LIN28B: variants seen among roughly 807,000 people sequenced by gnomAD.
LIN28B encodes the protein lin-28 RNA binding posttranscriptional regulator B.
A neutral mutation model predicts 21.9 loss-of-function variants in LIN28B; 5 were observed. That is an observed-to-expected ratio of 0.23 (90% CI 0.12 to 0.48). The LOEUF is 0.48. Among genes scored for constraint, LIN28B ranks in the 20% least tolerant of loss-of-function variants. The pLI, the probability that LIN28B is intolerant of heterozygous loss-of-function variation, is 0.98. For missense variants in LIN28B, 245 were observed against 310.5 expected (o/e 0.79, Z 1.58); for synonymous variants, 109 against 111.3 (o/e 0.98, Z 0.13).
chr6:104,938,644 A>G (rs1019891333), intron 2 of LIN28B, among the ~76,000 whole-genome samples: 15 of 150,034 alleles, frequency 1.0e-4, no homozygotes, highest in African/African-American at 3.4e-4. Flanking sequence ...GTCTCAAGAA[A>G]AAAAAAAAAA....
rs575587092 is a variant in LIN28B at position 105,064,836 on chromosome 6, A to G, written c.384-13578A>G. On this transcript the variant is annotated intron_variant, in intron 3 of 3. Transcript: ENST00000345080. ...AGAATAAGCCAAGTTCTTCATGGAA[A>G]GTTCCTCCAGCCAAATCTAGAGGGT... is the stretch of plus-strand genomic sequence containing the variant. Among the ~76,000 whole-genome samples the G allele has an allele frequency of 1.2e-3, 189 of 152,310 alleles. 1 individual carries two copies. The highest frequency in any genetic ancestry group is 4.1e-3 in the African/African-American group (172 of 41,578).
rs148380147 is a variant in LIN28B at position 105,064,187 on chromosome 6, T to G, written c.384-14227T>G. 7.2e-4 allele frequency among the ~76,000 whole-genome samples: 110 copies of G among 152,308 alleles called. 1 individual carries two copies. Among genetic ancestry groups the G allele is most frequent in the African/African-American group, 2.6e-3 (106 of 41,564 alleles). ...TTCAAAAAAGGCAGCATTATGATTTTTATGCAAATATCAGATGAATAAGTG... is the reference window on the plus strand; with the variant it reads ...TTCAAAAAAGGCAGCATTATGATTTGTATGCAAATATCAGATGAATAAGTG... On this transcript the variant is annotated intron_variant, in intron 3 of 3. Coordinates refer to ENST00000345080, the MANE Select transcript of LIN28B (RefSeq NM_001004317.4).
chr6:105,019,430 A>T (rs941278697), intron 2 of LIN28B, among the ~76,000 whole-genome samples: 2 of 152,150 alleles, frequency 1.3e-5, no homozygotes, highest in Non-Finnish European at 2.9e-5. Context: ...GCTTGCCTGG[A>T]TATTTCCTTC....
At chr6:104,967,990 T>C (rs1769898528) in intron 2 of LIN28B, among the ~76,000 whole-genome samples, 1 of 152,228 alleles carries the variant, frequency 6.6e-6, no homozygotes, top group South Asian at 2.1e-4. Flanking sequence ...TGAGCCACTT[T>C]GCTCAGCTTG....
intron 3 of LIN28B, among the ~76,000 whole-genome samples, chr6:105,061,700 A>G (rs1282797956): frequency 6.6e-6 from 1 of 152,166 alleles, no homozygotes; most frequent in African/African-American, 2.4e-5. Context: ...TTCATCTTCA[A>G]AAATGAATTC....
chr6:104,991,252 C>T (rs1028412852), intron 2 of LIN28B, among the ~76,000 whole-genome samples: 6 of 150,938 alleles, frequency 4.0e-5, no homozygotes, highest in East Asian at 2.0e-4. Context: ...GCCTCCCTCC[C>T]GGACGGGGTG....
intron 2 of LIN28B, among the ~76,000 whole-genome samples, chr6:105,014,045 T>C (rs1770977594): frequency 6.6e-6 from 1 of 152,222 alleles, no homozygotes; most frequent in Non-Finnish European, 1.5e-5. Flanking sequence ...TACCCTATTT[T>C]ATTGATTTAT....
chr6:105,082,534 T>C lies in LIN28B; in HGVS notation c.*3751T>C, dbSNP rs1246649504. The C allele has an allele frequency of 6.5e-6, 1 of 152,692 alleles. No homozygotes were observed. The highest frequency in any genetic ancestry group is 1.5e-5 in the Non-Finnish European group (1 of 68,034). The allele number at this position is 152,692 out of a possible 1,614,324, so 9.5% of individuals were successfully genotyped here. A position where few individuals can be genotyped will look rare whatever the true frequency, so the allele number is the denominator to read the frequency against. ...TATATGTGTATTTCCCCTTTGGTTA[T>C]AAAATTTGGGAAAGTATGTACAAGT... On this transcript the variant is annotated 3_prime_UTR_variant, in exon 4 of 4. Transcript: ENST00000345080.
chr6:105,003,631 G>A (rs1770759419), intron 2 of LIN28B, among the ~76,000 whole-genome samples: 1 of 151,934 alleles, frequency 6.6e-6, no homozygotes, highest in Admixed American at 6.6e-5. Flanking sequence ...TCCTGCCTCA[G>A]CTTCCCAAGT....
intron 2 of LIN28B, among the ~76,000 whole-genome samples, chr6:105,020,793 C>T (rs1287585335): frequency 6.9e-6 from 1 of 144,354 alleles, no homozygotes; most frequent in Non-Finnish European, 1.5e-5. Flanking sequence ...CGCTCTGTTG[C>T]CCAGGCTGGA....
chr6:104,959,103 AT>A (rs1769656814), intron 2 of LIN28B, among the ~76,000 whole-genome samples: 1 of 152,114 alleles, frequency 6.6e-6, no homozygotes, highest in East Asian at 1.9e-4. Flanking sequence ...CATTTTCAAA[AT>A]TTTACCCAGG....
intron 3 of LIN28B, among the ~76,000 whole-genome samples, chr6:105,040,878 T>A (rs944608004): frequency 1.3e-5 from 2 of 152,224 alleles, no homozygotes; most frequent in Non-Finnish European, 1.5e-5. Flanking sequence ...AATTTCCTCC[T>A]TATATGCAAT....
chr6:104,957,765 A>G (rs1778311729), intron 1 of LIN28B, among the ~76,000 whole-genome samples: 1 of 152,180 alleles, frequency 6.6e-6, no homozygotes, highest in Non-Finnish European at 1.5e-5. Context: ...CAATGGGATC[A>G]GTATTAAATC....
At chr6:104,969,516 A>C (rs1769931166) in intron 2 of LIN28B, among the ~76,000 whole-genome samples, 1 of 152,226 alleles carries the variant, frequency 6.6e-6, no homozygotes, top group African/African-American at 2.4e-5. Context: ...TGCAGTATAA[A>C]AATGGGCACA....
chr6:105,024,185 T>C (rs1388954303), intron 2 of LIN28B, among the ~76,000 whole-genome samples: 1 of 151,942 alleles, frequency 6.6e-6, no homozygotes, highest in East Asian at 1.9e-4. Context: ...AGAGACGGGG[T>C]TTTGCCACGT....
At chr6:105,045,201 T>C (rs1771726607) in intron 3 of LIN28B, among the ~76,000 whole-genome samples, 1 of 151,860 alleles carries the variant, frequency 6.6e-6, no homozygotes, top group South Asian at 2.1e-4. Context: ...ATCCTGAGTA[T>C]TCCTAAATCC....
At chr6:104,975,295 G>A (rs1327430243) in intron 2 of LIN28B, among the ~76,000 whole-genome samples, 2 of 152,008 alleles carry the variant, frequency 1.3e-5, no homozygotes, top group African/African-American at 2.4e-5. Context: ...TAAAAATACA[G>A]TTAGATTATA....
At chr6:105,009,977 T>C (rs1316597603) in intron 2 of LIN28B, among the ~76,000 whole-genome samples, 2 of 152,090 alleles carry the variant, frequency 1.3e-5, no homozygotes, top group African/African-American at 4.8e-5. Flanking sequence ...TCATCTACCT[T>C]CTCCCCATTT....
chr6:105,020,734 C>T (rs1771122508), intron 2 of LIN28B, among the ~76,000 whole-genome samples: 2 of 147,492 alleles, frequency 1.4e-5, no homozygotes, highest in African/African-American at 5.0e-5. Context: ...TCTCTATTGT[C>T]TATCATTCCA....
Sources: allele counts gnomAD v4.1 joint callset (sites outside exome capture counted in the v4.1 genomes callset), GRCh38; gene constraint gnomAD v4.1.1; transcripts MANE v1.5; gene names NCBI Gene and HGNC (gene_info 2026-07-23, HGNC 2026-07-21).